Variants in LY96 observed in about 807,000 individuals in gnomAD.
The protein encoded by LY96 is myeloid differentiation protein-2.
LY96 carries 18 observed loss-of-function variants against 18.9 expected under a neutral mutation model. That is an observed-to-expected ratio of 0.95 (90% confidence interval 0.66 to 1.41). The LOEUF is 1.41. Among genes scored for constraint, LY96 ranks in the 40% most tolerant of loss-of-function variants. The pLI is 0.00. For synonymous variants in LY96, 66 were observed against 62.6 expected, an observed-to-expected ratio of 1.06 and a Z score of -0.26; for missense variants, 175 against 182.4, an observed-to-expected ratio of 0.96 and a Z score of 0.23.
At chr8:74,057,962 G>T in the LY96 span, among the ~76,000 whole-genome samples, 24 of 152,330 alleles carry the variant, frequency 1.6e-4, no homozygotes, top group African/African-American at 5.8e-4. Flanking sequence ...GTGAAAGCAT[G>T]CATTCACTTT....
At chr8:74,054,216 G>C in the LY96 span, among the ~76,000 whole-genome samples, 1 of 152,040 alleles carries the variant, frequency 6.6e-6, no homozygotes, top group African/African-American at 2.4e-5. Flanking sequence ...TTGTAGAAAT[G>C]GGGTCTCACC....
the LY96 span, among the ~76,000 whole-genome samples, chr8:74,053,215 GT>G: frequency 6.6e-6 from 1 of 152,184 alleles, no homozygotes; most frequent in Admixed American, 6.5e-5. Flanking sequence ...ACTTCGCCAT[GT>G]GGATTTAGCC....
At chr8:74,074,512 C>A in the LY96 span, among the ~76,000 whole-genome samples, 4 of 150,894 alleles carry the variant, frequency 2.7e-5, no homozygotes, top group Non-Finnish European at 5.9e-5. Flanking sequence ...TTTATTATTT[C>A]TTTTCTTCTA....
chr8:74,066,663 A>C, the LY96 span, among the ~76,000 whole-genome samples: 1 of 152,228 alleles, frequency 6.6e-6, no homozygotes, highest in African/African-American at 2.4e-5. Flanking sequence ...AGACATTGAC[A>C]GACTGCAGCA....
At chr8:74,076,975 G>A in the LY96 span, among the ~76,000 whole-genome samples, 26 of 152,258 alleles carry the variant, frequency 1.7e-4, no homozygotes, top group Non-Finnish European at 3.2e-4. Context: ...TTTAAATTGG[G>A]GGTTCCCATG....
At chr8:74,081,126 C>CTTTCT in the LY96 span, among the ~76,000 whole-genome samples, 213 of 23,042 alleles carry the variant, frequency 9.2e-3, 4 homozygotes, top group East Asian at 0.045. Flanking sequence ...TCTTTCTTTC[C>CTTTCT]TTCCTTCCTT....
the LY96 span, among the ~76,000 whole-genome samples, chr8:74,050,018 T>TTAAA: frequency 1.3e-4 from 20 of 151,854 alleles, no homozygotes; most frequent in South Asian, 2.1e-4. Context: ...ACTCCATTTT[T>TTAAA]TAAATAAATA....
At chr8:74,009,374 C>CAAAAAAAAAAAAAAAAAAAAA (rs370593442) in intron 2 of LY96, among the ~76,000 whole-genome samples, 3 of 58,810 alleles carry the variant, frequency 5.1e-5, no homozygotes, top group Admixed American at 2.0e-4. Context: ...CAGTCTTTCT[C>CAAAAAAAAAAAAAAAAAAAAA]AAAAAAAAAA....
the LY96 span, among the ~76,000 whole-genome samples, chr8:74,068,102 A>ATATATATAT: frequency 1.4e-5 from 2 of 139,318 alleles, no homozygotes; most frequent in African/African-American, 2.8e-5. Context: ...ATATATATAT[A>ATATATATAT]ACATTTCCTT....
At chr8:74,081,077 T>TTCTCTTTC in the LY96 span, among the ~76,000 whole-genome samples, 2 of 104,104 alleles carry the variant, frequency 1.9e-5, no homozygotes, top group South Asian at 2.9e-4. Flanking sequence ...ACTTTCTTTC[T>TTCTCTTTC]TCTCTTTCTC....
chr8:74,068,390 A>G, the LY96 span, among the ~76,000 whole-genome samples: 1 of 152,174 alleles, frequency 6.6e-6, no homozygotes, highest in Non-Finnish European at 1.5e-5. Flanking sequence ...ACATTTGGAT[A>G]GTCTTTGGTT....
chr8:74,074,470 T>C, the LY96 span, among the ~76,000 whole-genome samples: 1 of 152,184 alleles, frequency 6.6e-6, no homozygotes, highest in Admixed American at 6.5e-5. Flanking sequence ...TATATTGTTT[T>C]CATTTCAATT....
chr8:74,092,077 G>T, the LY96 span, among the ~76,000 whole-genome samples: 1 of 152,154 alleles, frequency 6.6e-6, no homozygotes, highest in Non-Finnish European at 1.5e-5. Context: ...TTGCCTAAAA[G>T]CTCCCTATAG....
chr8:74,073,435 G>A, the LY96 span, among the ~76,000 whole-genome samples: 1 of 152,144 alleles, frequency 6.6e-6, no homozygotes, highest in South Asian at 2.1e-4. Flanking sequence ...AGAAGTCTAA[G>A]CATTTTTAAT....
Position 73,996,360 on chromosome 8 carries a change from C to CA in LY96, c.112+4806_112+4807insA, listed in dbSNP as rs1563707672. ...TCCTTCCTTCCTTCCTTCCTTCCTT[C>CA]CTTCCTTCATTCCTTTCTTTCTTTC... On this transcript the variant is annotated intron_variant, in intron 1 of 4. Coordinates refer to ENST00000284818, the MANE Select transcript of LY96 (RefSeq NM_015364.5). 2.7e-3 allele frequency among the ~76,000 whole-genome samples: 320 copies of CA among 116,816 alleles called. 7 individuals are homozygous for CA. The highest frequency in any genetic ancestry group is 4.8e-3 in the Non-Finnish European group (257 of 53,788). 76.6% of individuals were successfully genotyped at this position (116,816 alleles called of 152,430 possible). A position where few individuals can be genotyped will look rare whatever the true frequency, so the allele number is the denominator to read the frequency against.
the LY96 span, among the ~76,000 whole-genome samples, chr8:74,094,300 A>G: frequency 1.3e-5 from 2 of 152,112 alleles, no homozygotes; most frequent in African/African-American, 4.8e-5. Context: ...AGCAATTACA[A>G]CAAAACCTCA....
chr8:74,080,984 C>CTCTTTCTTTCTTTCTTTCTT, the LY96 span, among the ~76,000 whole-genome samples: 16 of 105,238 alleles, frequency 1.5e-4, no homozygotes, highest in East Asian at 5.8e-4. Context: ...TTCTTTCTCT[C>CTCTTTCTTTCTTTCTTTCTT]TCTTTCTTTC....
chr8:74,009,187 G>A (rs1367606471), intron 2 of LY96, among the ~76,000 whole-genome samples: 1 of 151,488 alleles, frequency 6.6e-6, no homozygotes, highest in African/African-American at 2.4e-5. Flanking sequence ...ACGAGGTCAG[G>A]AGTTCAAGAC....
At chr8:74,098,908 G>T in the LY96 span, among the ~76,000 whole-genome samples, 2 of 152,108 alleles carry the variant, frequency 1.3e-5, no homozygotes, top group East Asian at 3.9e-4. Context: ...GTCTGAAAGG[G>T]GTCCTAGAAA....
Sources: gnomAD v4.1 joint callset for allele counts (sites outside exome capture counted in the v4.1 genomes callset) on GRCh38, gnomAD v4.1.1 for gene constraint, MANE v1.5 for transcripts, NCBI Gene and HGNC (gene_info 2026-07-23, HGNC 2026-07-21) for gene names.